Variants in NCEH1 observed in about 807,000 individuals in gnomAD.
NCEH1 encodes neutral cholesterol ester hydrolase 1.
A neutral mutation model predicts 25.4 loss-of-function variants in NCEH1; 9 were observed. The ratio of observed to expected loss-of-function variants is 0.35; its 90% CI spans 0.21 to 0.62. NCEH1 has a LOEUF of 0.62. Among genes scored for constraint, NCEH1 ranks in the 20% least tolerant of loss-of-function variants. The pLI is 0.72. For missense variants in NCEH1, 412 were observed against 501.1 expected (o/e 0.82, Z 1.70); for synonymous variants, 200 against 199.8 (o/e 1.00, Z -0.01).
chr3:172,694,223 T>G (rs1024982257), intron 1 of NCEH1, among the ~76,000 whole-genome samples: 1 of 152,176 alleles, frequency 6.6e-6, no homozygotes, highest in Admixed American at 6.6e-5. Context: ...GGATTTAATC[T>G]AAAATGGACT....
At chr3:172,640,547 G>T (rs563510516) in intron 3 of NCEH1, among the ~76,000 whole-genome samples, 2 of 151,616 alleles carry the variant, frequency 1.3e-5, no homozygotes, top group Admixed American at 1.3e-4. Flanking sequence ...TCGCTCTGTC[G>T]CCCAGGCTGG....
chr3:172,671,291 G>A (rs1469161954), intron 1 of NCEH1, among the ~76,000 whole-genome samples: 1 of 152,130 alleles, frequency 6.6e-6, no homozygotes, highest in Non-Finnish European at 1.5e-5. Context: ...AGATCAGTTG[G>A]TATTTATTAA....
chr3:172,631,082 T>G lies in NCEH1; in HGVS notation c.*2393A>C, dbSNP rs1195778667. On this transcript the variant is annotated 3_prime_UTR_variant, in exon 5 of 5. Transcript: ENST00000475381. Reference sequence around the variant, plus strand: ...ATAAGAATACAAACTAAAAGAACAATGAAACTCAAGTACATTATCAGAAAC... The same window carrying G: ...ATAAGAATACAAACTAAAAGAACAAGGAAACTCAAGTACATTATCAGAAAC... 2 of 151,648 alleles carry G rather than the reference T, an allele frequency of 1.3e-5. No homozygotes were observed. The highest frequency in any genetic ancestry group is 2.9e-5 in the Non-Finnish European group (2 of 67,900). 9.4% of individuals were successfully genotyped at this position (151,648 alleles called of 1,614,324 possible).
At chr3:172,679,027 C>T (rs1212232719) in intron 1 of NCEH1, among the ~76,000 whole-genome samples, 1 of 152,222 alleles carries the variant, frequency 6.6e-6, no homozygotes, top group African/African-American at 2.4e-5. Flanking sequence ...ACTGCTGTGT[C>T]CGCTTTCCAT....
intron 1 of NCEH1, among the ~76,000 whole-genome samples, chr3:172,671,534 T>C (rs142743512): frequency 0.17 from 20,741 of 119,000 alleles, 1,672 homozygotes; most frequent in African/African-American, 0.24. Flanking sequence ...CACACATATA[T>C]AGATATATAT....
At chr3:172,709,965 GTTTAGAT>G (rs1183982423) in intron 1 of NCEH1, among the ~76,000 whole-genome samples, 1 of 152,112 alleles carries the variant, frequency 6.6e-6, no homozygotes, top group African/African-American at 2.4e-5. Context: ...GCAGACTGTA[GTTTAGAT>G]TTTAGATTCT....
chr3:172,650,812 GAAAAAAAAAAAAAA>G (rs768170518), intron 1 of NCEH1, among the ~76,000 whole-genome samples: 3 of 35,884 alleles, frequency 8.4e-5, no homozygotes, highest in African/African-American at 2.9e-4. Flanking sequence ...ACTCTGCCTC[GAAAAAAAAAAAAAA>G]AAAAAAAAAA....
intron 1 of NCEH1, among the ~76,000 whole-genome samples, chr3:172,648,429 G>GA (rs1717232393): frequency 6.6e-6 from 1 of 152,010 alleles, no homozygotes; most frequent in Admixed American, 6.6e-5. Context: ...TGAATTCCAG[G>GA]ATTCAGTACC....
At chr3:172,677,315 T>G (rs1186159967) in intron 1 of NCEH1, among the ~76,000 whole-genome samples, 1 of 152,170 alleles carries the variant, frequency 6.6e-6, no homozygotes, top group Non-Finnish European at 1.5e-5. Context: ...ACACAAAAGA[T>G]ACAAGGGGAA....
Position 172,693,888 on chromosome 3 carries a change from AT to A in NCEH1, c.138+16958del, listed in dbSNP as rs375440963. On this transcript the variant is annotated intron_variant, in intron 1 of 4. Transcript: ENST00000475381. ...TCCTTAACAAAAGTATAGTATGTGT[AT>A]TTAATTTTTAAATTTTTTATTTTTT... Among the ~76,000 whole-genome samples, 715 of 152,234 alleles carry A rather than the reference AT, an allele frequency of 4.7e-3. 7 individuals carry two copies. Among genetic ancestry groups the A allele is most frequent in the African/African-American group, 0.016 (674 of 41,546 alleles).
chr3:172,685,912 A>G (rs1043573151), intron 1 of NCEH1, among the ~76,000 whole-genome samples: 1 of 152,224 alleles, frequency 6.6e-6, no homozygotes, highest in African/African-American at 2.4e-5. Context: ...AAAACTACAG[A>G]GCAGCCTTTC....
intron 1 of NCEH1, among the ~76,000 whole-genome samples, chr3:172,658,591 A>C (rs189684023): frequency 1.1e-3 from 160 of 152,306 alleles, no homozygotes; most frequent in Admixed American, 1.8e-3. Context: ...ACAATTATAA[A>C]ATTTCCAATT....
At chr3:172,672,184 A>C (rs1456047247) in intron 1 of NCEH1, among the ~76,000 whole-genome samples, 1 of 152,162 alleles carries the variant, frequency 6.6e-6, no homozygotes, top group Non-Finnish European at 1.5e-5. Flanking sequence ...TACAGTGCTG[A>C]GTACCAAGTT....
chr3:172,671,895 A>T (rs1711655656), intron 1 of NCEH1, among the ~76,000 whole-genome samples: 2 of 152,188 alleles, frequency 1.3e-5, no homozygotes, highest in Admixed American at 1.3e-4. Context: ...CATTGTTGTC[A>T]TTGTGACATT....
chr3:172,649,921 C>A (rs1717316703), intron 1 of NCEH1, among the ~76,000 whole-genome samples: 1 of 152,186 alleles, frequency 6.6e-6, no homozygotes, highest in Admixed American at 6.5e-5. Context: ...ACACTTGAGA[C>A]AAATTACATG....
chr3:172,635,850 G>GT, intron 4 of NCEH1, 66 bp downstream of exon 4: 1 of 1,464,632 alleles, frequency 6.8e-7, no homozygotes, highest in Non-Finnish European at 9.4e-7. Flanking sequence ...AATGGAGGGT[G>GT]TGTTGGTCTG....
intron 1 of NCEH1, among the ~76,000 whole-genome samples, chr3:172,651,779 G>A (rs1209477617): frequency 6.6e-6 from 1 of 152,064 alleles, no homozygotes; most frequent in Non-Finnish European, 1.5e-5. Flanking sequence ...GGCTGTTTTC[G>A]AACTCCTGGC....
rs549756094 is a variant in NCEH1 at position 172,684,929 on chromosome 3, G to A, written c.138+25918C>T. On this transcript the variant is annotated intron_variant, in intron 1 of 4. Coordinates refer to ENST00000475381, the MANE Select transcript of NCEH1 (RefSeq NM_020792.6). ...CTGGGAGGTGAGGTTGCAGTGAGCCGAGACTGTGCCACTGCACTCCAGCCT... is the reference window on the plus strand; with the variant it reads ...CTGGGAGGTGAGGTTGCAGTGAGCCAAGACTGTGCCACTGCACTCCAGCCT... 3.3e-5 allele frequency among the ~76,000 whole-genome samples: 5 copies of A among 151,638 alleles called. No individual in the cohort carries two copies. In the South Asian group the frequency reaches 8.4e-4, roughly 25 times the overall value.
At chr3:172,646,286 T>C (rs560284818) in intron 2 of NCEH1, among the ~76,000 whole-genome samples, 39 of 152,268 alleles carry the variant, frequency 2.6e-4, no homozygotes, top group Non-Finnish European at 4.6e-4. Flanking sequence ...GCCCAAGAGT[T>C]TGAGGTTACA....
Sources: allele counts gnomAD v4.1 joint callset (sites outside exome capture counted in the v4.1 genomes callset), GRCh38; gene constraint gnomAD v4.1.1; transcripts MANE v1.5; gene names NCBI Gene and HGNC (gene_info 2026-07-23, HGNC 2026-07-21).